TLN2: variants seen among roughly 807,000 people sequenced by gnomAD.
TLN2 encodes the protein talin 2, also known as talin-2.
TLN2 carries 118 observed loss-of-function variants against 294.7 expected under a neutral mutation model. The ratio of observed to expected loss-of-function variants is 0.40; its 90% CI spans 0.34 to 0.47. The LOEUF (loss-of-function observed/expected upper bound fraction) is 0.47. Ranked by LOEUF, TLN2 falls within the 20% of genes least tolerant of loss-of-function variation. TLN2 has a pLI of 0.84. For missense variants in TLN2, 3,083 were observed against 3,282.2 expected (o/e 0.94, Z 1.48); for synonymous variants, 1,431 against 1,304.5 (o/e 1.10, Z -2.09).
At chr15:62,798,104 C>A (rs1006294342) in intron 48 of TLN2, among the ~76,000 whole-genome samples, 1 of 152,098 alleles carries the variant, frequency 6.6e-6, no homozygotes, top group Non-Finnish European at 1.5e-5. Context: ...TGGCCTGTTC[C>A]GGTAACCATC....
chr15:62,402,213 G>C (rs2033076226), intron 1 of TLN2, among the ~76,000 whole-genome samples: 1 of 152,174 alleles, frequency 6.6e-6, no homozygotes, highest in Non-Finnish European at 1.5e-5. Flanking sequence ...ATAAGATGCT[G>C]TTTCTGACCC....
chr15:62,468,880 C>T (rs1331226685), intron 1 of TLN2, among the ~76,000 whole-genome samples: 2 of 152,110 alleles, frequency 1.3e-5, no homozygotes, highest in Non-Finnish European at 2.9e-5. Flanking sequence ...CATTTCCATG[C>T]TGTTTTCTTG....
intron 33 of TLN2, 88 bp downstream of exon 33, chr15:62,748,532 T>A (rs1014877001): frequency 1.8e-6 from 2 of 1,118,536 alleles, no homozygotes; most frequent in African/African-American, 1.5e-5. Context: ...TGTCTGTGTC[T>A]GTTCTTTCCC....
intron 1 of TLN2, among the ~76,000 whole-genome samples, chr15:62,463,764 G>T (rs897699178): frequency 1.3e-5 from 2 of 152,196 alleles, no homozygotes. Flanking sequence ...GTGGGCACCA[G>T]TAGTCCCAGC....
At chr15:62,822,633 A>C (rs2067670219) in intron 54 of TLN2, among the ~76,000 whole-genome samples, 1 of 152,194 alleles carries the variant, frequency 6.6e-6, no homozygotes, top group African/African-American at 2.4e-5. Context: ...CCCCATTGTC[A>C]GAGAAGGCTT....
chr15:62,839,101 T>G lies in TLN2; in HGVS notation c.7500+120T>G, dbSNP rs2070249283. ...TTTCTTCCTCGTGTACCAGAGATGGTGTGGTGTTTCCTTCATGTCTGAGAG... is the reference window on the plus strand; with the variant it reads ...TTTCTTCCTCGTGTACCAGAGATGGGGTGGTGTTTCCTTCATGTCTGAGAG... On this transcript the variant is annotated intron_variant, in intron 58 of 58. Coordinates refer to ENST00000636159, the MANE Select transcript of TLN2 (RefSeq NM_015059.3). The G allele has an allele frequency of 2.9e-6, 4 of 1,358,954 alleles. No individual in the cohort carries two copies. The Admixed American group carries it at 8.6e-5, about 29-fold the overall frequency. 84.2% of individuals were successfully genotyped at this position (1,358,954 alleles called of 1,614,324 possible). A position where few individuals can be genotyped will look rare whatever the true frequency, so the allele number is the denominator to read the frequency against.
intron 1 of TLN2, among the ~76,000 whole-genome samples, chr15:62,580,652 C>G (rs78633092): frequency 0.073 from 11,170 of 152,056 alleles, 664 homozygotes; most frequent in African/African-American, 0.17. Context: ...TTCAAGTGAT[C>G]TACCTATCTT....
intron 1 of TLN2, among the ~76,000 whole-genome samples, chr15:62,500,227 A>G (rs1232761088): frequency 6.6e-6 from 1 of 152,122 alleles, no homozygotes; most frequent in African/African-American, 2.4e-5. Context: ...AGTCCCAGCT[A>G]CTCAGGAGGC....
At chr15:62,538,315 T>C (rs964199121) in intron 1 of TLN2, among the ~76,000 whole-genome samples, 4 of 152,212 alleles carry the variant, frequency 2.6e-5, no homozygotes, top group Admixed American at 2.6e-4. Flanking sequence ...TCAAGAGTAA[T>C]ATAGTAATGG....
chr15:62,761,212 A>G (rs895247880), intron 37 of TLN2, among the ~76,000 whole-genome samples: 26 of 152,254 alleles, frequency 1.7e-4, no homozygotes, highest in African/African-American at 5.8e-4. Context: ...ATATCCAGGT[A>G]AAACTTAGAA....
chr15:62,717,896 C>T (rs2059887654), intron 24 of TLN2, among the ~76,000 whole-genome samples: 1 of 152,158 alleles, frequency 6.6e-6, no homozygotes, highest in South Asian at 2.1e-4. Context: ...TTTCTTCCAG[C>T]GTTGTCTACT....
rs752853959 is a variant in TLN2 at position 62,761,829 on chromosome 15, G to C, written c.4779+8G>C. ...GCCCAGATCAGCTCCGAGGTAGGGA[G>C]TGTTTACAGGAACATCATACTAAGG... On this transcript the variant is annotated splice_region_variant and intron_variant, in intron 38 of 58. Transcript: ENST00000636159. 4.3e-6 allele frequency: 7 copies of C among 1,613,858 alleles called. No individual in the cohort carries two copies. In the African/African-American group the frequency reaches 9.3e-5, roughly 22 times the overall value.
chr15:62,539,657 C>T (rs1004986367), intron 1 of TLN2, among the ~76,000 whole-genome samples: 4 of 152,012 alleles, frequency 2.6e-5, no homozygotes, highest in African/African-American at 4.8e-5. Context: ...CTGGTGGGGC[C>T]GGGTGGGTAA....
intron 1 of TLN2, among the ~76,000 whole-genome samples, chr15:62,482,313 A>G (rs2038144803): frequency 6.6e-6 from 1 of 152,074 alleles, no homozygotes; most frequent in African/African-American, 2.4e-5. Flanking sequence ...TTAAAAGATG[A>G]TTGAATTGGC....
chr15:62,578,642 G>A (rs1295086005), intron 1 of TLN2, among the ~76,000 whole-genome samples: 2 of 152,202 alleles, frequency 1.3e-5, no homozygotes, highest in African/African-American at 2.4e-5. Context: ...CAGGAAAGGT[G>A]TGAATCCCCA....
At chr15:62,728,833 G>C (rs1242637960) in intron 28 of TLN2, among the ~76,000 whole-genome samples, 1 of 152,060 alleles carries the variant, frequency 6.6e-6, no homozygotes, top group African/African-American at 2.4e-5. Context: ...AGTGCCTTTT[G>C]ATGAACAAAA....
chr15:62,805,826 C>A, intron 51 of TLN2, 41 bp downstream of exon 51: 1 of 1,585,862 alleles, frequency 6.3e-7, no homozygotes, highest in South Asian at 1.1e-5. Context: ...AGATGATTCT[C>A]TGTCGTGACT....
chr15:62,834,486 CA>C (rs756219343), intron 55 of TLN2: 1 of 152,230 alleles, frequency 6.6e-6, no homozygotes, highest in Non-Finnish European at 1.5e-5. Flanking sequence ...GCAGTACAGA[CA>C]GGGAGGTTGT....
intron 1 of TLN2, among the ~76,000 whole-genome samples, chr15:62,509,896 A>C (rs894101954): frequency 1.3e-5 from 2 of 152,178 alleles, no homozygotes; most frequent in Non-Finnish European, 2.9e-5. Context: ...GTCCACACCC[A>C]GTTGTTTCCC....
Sources: allele counts gnomAD v4.1 joint callset (sites outside exome capture counted in the v4.1 genomes callset), GRCh38; gene constraint gnomAD v4.1.1; transcripts MANE v1.5; gene names NCBI Gene and HGNC (gene_info 2026-07-23, HGNC 2026-07-21).